MICAL2: variants seen among roughly 807,000 people sequenced by gnomAD.
MICAL2 encodes the protein microtubule associated monooxygenase, calponin and LIM domain containing 2.
A neutral mutation model predicts 127.3 loss-of-function variants in MICAL2; 77 were observed. The observed-to-expected ratio is 0.60, with a 90% CI of 0.50 to 0.73. MICAL2 has a LOEUF of 0.73. MICAL2 is among the 30% of genes least tolerant of loss of function. The pLI is 0.00. For missense variants in MICAL2, 1,351 were observed against 1,434.4 expected, an observed-to-expected ratio of 0.94 and a Z score of 0.94; for synonymous variants, 570 against 551.1, an observed-to-expected ratio of 1.03 and a Z score of -0.48.
intron 2 of MICAL2, among the ~76,000 whole-genome samples, chr11:12,151,336 G>T (rs556286932): frequency 6.6e-6 from 1 of 152,058 alleles, no homozygotes; most frequent in Non-Finnish European, 1.5e-5. Flanking sequence ...TGACGGACCC[G>T]GTTGTTATTG....
At chr11:12,344,837 G>A (rs958394786) in intron 32 of MICAL2, among the ~76,000 whole-genome samples, 7 of 151,038 alleles carry the variant, frequency 4.6e-5, no homozygotes, top group African/African-American at 1.5e-4. Context: ...GACCAGGTGC[G>A]GTGGCTCACG....
chr11:12,315,894 A>C (rs1169821375), intron 29 of MICAL2, among the ~76,000 whole-genome samples: 1 of 152,076 alleles, frequency 6.6e-6, no homozygotes, highest in Admixed American at 6.6e-5. Flanking sequence ...TTTTTGCTTC[A>C]TGTATTTTGG....
chr11:12,160,887 G>T (rs1004518027), intron 2 of MICAL2, among the ~76,000 whole-genome samples: 1 of 152,234 alleles, frequency 6.6e-6, no homozygotes, highest in Non-Finnish European at 1.5e-5. Context: ...AGATTAAGGA[G>T]GAAGATAAAC....
In MICAL2 at chr11:12,329,861, T is replaced by TG. The variant is rs1491514644; in HGVS notation, c.5515+2596dup. Among the ~76,000 whole-genome samples the TG allele has an allele frequency of 7.4e-5, 3 of 40,570 alleles. No individual in the cohort carries two copies. In the South Asian group the frequency reaches 1.8e-3, roughly 24 times the overall value. The allele number at this position is 40,570 out of a possible 152,430, so 26.6% of individuals were successfully genotyped here. ...TGAAAATCTTCCTCATCCCCAAATA[T>TG]GAAAAAAAAAAAAAAAAAAAAAGAA... On this transcript the variant is annotated intron_variant, in intron 32 of 34. Transcript: ENST00000646065.
intron 2 of MICAL2, among the ~76,000 whole-genome samples, chr11:12,158,284 A>G (rs1854406070): frequency 6.6e-6 from 1 of 152,214 alleles, no homozygotes. Context: ...TCCTTGACCC[A>G]GAAAGCTAGT....
chr11:12,177,909 G>A (rs7117171), intron 3 of MICAL2, among the ~76,000 whole-genome samples: 99,332 of 151,962 alleles, frequency 0.65, 32,507 homozygotes, highest in Middle Eastern at 0.74. Flanking sequence ...CCATGACCCC[G>A]TTGAAGTAAT....
intron 32 of MICAL2, among the ~76,000 whole-genome samples, chr11:12,333,790 A>T (rs574687690): frequency 1.3e-5 from 2 of 152,296 alleles, no homozygotes; most frequent in Admixed American, 6.5e-5. Context: ...CAAAAATATA[A>T]GGTACCTAGG....
intron 3 of MICAL2, among the ~76,000 whole-genome samples, chr11:12,200,856 C>A (rs1247718443): frequency 6.6e-6 from 1 of 152,218 alleles, no homozygotes; most frequent in African/African-American, 2.4e-5. Context: ...GGGAGCAGTA[C>A]TGGGTCGGGC....
intron 21 of MICAL2, among the ~76,000 whole-genome samples, chr11:12,247,957 T>C (rs1054024108): frequency 6.6e-6 from 1 of 152,228 alleles, no homozygotes; most frequent in Non-Finnish European, 1.5e-5. Flanking sequence ...TGATGCTTAG[T>C]CCTTGACAAC....
At chr11:12,261,785 C>T in intron 26 of MICAL2, 1 of 985,476 alleles carries the variant, frequency 1.0e-6, no homozygotes, top group African/African-American at 1.7e-5. Flanking sequence ...CGCCTCTGTC[C>T]TTGTTGGCAC....
intron 32 of MICAL2, chr11:12,327,314 G>C (rs1197939547): frequency 3.4e-6 from 5 of 1,470,458 alleles, no homozygotes; most frequent in Non-Finnish European, 4.6e-6. Context: ...TCTGAGAATA[G>C]TGCTAGCGTA....
Position 12,241,052 on chromosome 11 carries a change from T to C in MICAL2, c.2227T>C (p.Ser743Pro). 6.2e-7 allele frequency: 1 copy of C among 1,614,052 alleles called. No homozygotes were observed. Among genetic ancestry groups the C allele is most frequent in the Non-Finnish European group, 8.5e-7 (1 of 1,179,986 alleles). The change falls in exon 18 of 28, where the codon TCA becomes CCA. Residue 743 changes from serine (S) to proline (P), a missense_variant. Physicochemically the swap from Ser to Pro is moderately conservative, Grantham distance 74. Transcript: ENST00000683283. Reference protein sequence around the residue: ...PSLMKQERRVSGIGKPVLCSS... With the variant: ...PSLMKQERRVPGIGKPVLCSS... The stretch of plus-strand genomic sequence containing the variant: ...TTTCTTCTCCCAGGAACGCCGTGTC[T>C]CAGGGATAGGTAAGCCGGTCCTGTG...
At position 12,242,768 on chromosome 11, in the gene MICAL2, C is replaced by T. The variant is rs779266555; in HGVS notation, c.2654C>T (p.Pro885Leu). Reference sequence around the variant, plus strand: ...TCCATGTTTGGACACGGGGATTTCCCGCAGGTAAACATGGGGCTTTCAGAG... The same window carrying T: ...TCCATGTTTGGACACGGGGATTTCCTGCAGGTAAACATGGGGCTTTCAGAG... ...LASMFGHGDF[P>L]QNKLLSKGLS... Residue 885 changes from proline to leucine, a missense_variant, in exon 20 of 28, where the codon CCG becomes CTG. This residue lies in a region of MICAL2 where 752 missense variants were observed against 719.4 expected (regional missense o/e 1.05). Coordinates refer to ENST00000683283, the MANE Select transcript of MICAL2 (RefSeq NM_001282663.2). The T allele has an allele frequency of 2.0e-5, 32 of 1,604,602 alleles. No individual in the cohort carries two copies. The East Asian group carries it at 4.1e-4, about 20-fold the overall frequency.
At chr11:12,315,360 CAAA>C in intron 29 of MICAL2, among the ~76,000 whole-genome samples, 1 of 152,156 alleles carries the variant, frequency 6.6e-6, no homozygotes, top group Non-Finnish European at 1.5e-5. Context: ...CTGAATCTTA[CAAA>C]TTCTAATATG....
At chr11:12,214,489 T>G (rs1855901298) in intron 7 of MICAL2, among the ~76,000 whole-genome samples, 1 of 152,206 alleles carries the variant, frequency 6.6e-6, no homozygotes, top group African/African-American at 2.4e-5. Context: ...CTTCTGGTGG[T>G]CACTTTTAGG....
At chr11:12,213,487 G>C in intron 7 of MICAL2, 77 bp downstream of exon 7, 2 of 1,437,202 alleles carry the variant, frequency 1.4e-6, no homozygotes, top group East Asian at 4.7e-5. Context: ...GGCGTGTGCT[G>C]GCTTTCTGGG....
chr11:12,356,591 G>C (rs191959433), intron 34 of MICAL2, among the ~76,000 whole-genome samples: 1 of 152,128 alleles, frequency 6.6e-6, no homozygotes, highest in East Asian at 1.9e-4. Context: ...GGTCTCATCC[G>C]TAGCCTGCCC....
At chr11:12,220,791 T>A (rs913464310) in intron 9 of MICAL2, among the ~76,000 whole-genome samples, 6 of 152,242 alleles carry the variant, frequency 3.9e-5, no homozygotes, top group African/African-American at 1.4e-4. Context: ...GGGCCGAGAC[T>A]TCTTCCTCAT....
At chr11:12,221,830 C>T (rs533562883) in intron 10 of MICAL2, 71 bp downstream of exon 10, 34 of 1,221,960 alleles carry the variant, frequency 2.8e-5, no homozygotes, top group Non-Finnish European at 3.6e-5. Flanking sequence ...AAGATCACCC[C>T]GCAGGTGACT....
Sources: gnomAD v4.1 joint callset for allele counts (sites outside exome capture counted in the v4.1 genomes callset) on GRCh38, gnomAD v4.1.1 for gene constraint, gnomAD v4.1.1 regional missense constraint, MANE v1.5 for transcripts, NCBI Gene and HGNC (gene_info 2026-07-23, HGNC 2026-07-21) for gene names.